DCDC1: variants seen among roughly 807,000 people sequenced by gnomAD.
The protein encoded by DCDC1 is doublecortin domain containing 1, also known as doublecortin domain-containing protein 1.
DCDC1 carries 200 observed loss-of-function variants against 178.3 expected under a neutral mutation model. The observed-to-expected ratio is 1.12, with a 90% CI of 1.00 to 1.26. DCDC1 has a LOEUF of 1.26. Among genes scored for constraint, DCDC1 ranks in the 50% most tolerant of loss-of-function variants. DCDC1 has a pLI of 0.00. For missense variants in DCDC1, 1,983 were observed against 1,749.2 expected, an observed-to-expected ratio of 1.13 and a Z score of -2.38; for synonymous variants, 690 against 604.8, an observed-to-expected ratio of 1.14 and a Z score of -2.07.
chr11:31,325,999 T>C (rs1241887576), intron 3 of DCDC1, among the ~76,000 whole-genome samples: 1 of 152,146 alleles, frequency 6.6e-6, no homozygotes, highest in Non-Finnish European at 1.5e-5. Context: ...CTTTATGAAC[T>C]TGACCCCTTT....
intron 20 of DCDC1, among the ~76,000 whole-genome samples, chr11:30,993,783 T>A (rs1253144204): frequency 6.6e-6 from 1 of 152,148 alleles, no homozygotes; most frequent in African/African-American, 2.4e-5. Context: ...TTAATAGGTG[T>A]ATTCAAGACG....
At position 31,364,994 on chromosome 11, in the gene DCDC1, G is replaced by A. The variant is rs147808668; in HGVS notation, c.-125+4703C>T. On this transcript the variant is annotated intron_variant, in intron 1 of 38. Transcript: ENST00000684477. ...TAATCATTCAAGTAATCTATTCTAC[G>A]TATTAGTATACCTGCAAGTTATTAA... 4.6e-5 allele frequency among the ~76,000 whole-genome samples: 7 copies of A among 152,178 alleles called. No homozygotes were observed. In the South Asian group the frequency reaches 8.3e-4, roughly 18 times the overall value.
At chr11:31,129,276 C>G (rs921980015) in intron 10 of DCDC1, among the ~76,000 whole-genome samples, 10 of 152,084 alleles carry the variant, frequency 6.6e-5, no homozygotes, top group Admixed American at 3.9e-4. Flanking sequence ...ACAAGTGTTA[C>G]ATGCATAGAA....
At chr11:31,241,390 T>TACA in intron 9 of DCDC1, 60 bp downstream of exon 9, 1 of 393,930 alleles carries the variant, frequency 2.5e-6, no homozygotes, top group Non-Finnish European at 4.5e-6. Context: ...ATTGCCTCTA[T>TACA]ACAACCAAGT....
chr11:31,098,191 C>T (rs1334909117), intron 15 of DCDC1, among the ~76,000 whole-genome samples: 2 of 152,176 alleles, frequency 1.3e-5, no homozygotes, highest in Non-Finnish European at 2.9e-5. Flanking sequence ...ATTCCTAAAG[C>T]TATTCTCCTC....
At chr11:31,150,724 C>T (rs1305530185) in intron 9 of DCDC1, among the ~76,000 whole-genome samples, 1 of 143,842 alleles carries the variant, frequency 7.0e-6, no homozygotes, top group Non-Finnish European at 1.5e-5. Context: ...TCTATGTCCA[C>T]ACTTTCTCCA....
At chr11:31,321,568 G>A (rs1949357902) in intron 3 of DCDC1, among the ~76,000 whole-genome samples, 1 of 152,106 alleles carries the variant, frequency 6.6e-6, no homozygotes, top group South Asian at 2.1e-4. Flanking sequence ...ACTCCCTAGT[G>A]AGATGAACCC....
intron 20 of DCDC1, among the ~76,000 whole-genome samples, chr11:31,020,307 C>T (rs1459428744): frequency 2.0e-5 from 3 of 152,188 alleles, no homozygotes; most frequent in African/African-American, 7.2e-5. Context: ...TATTTTTAAA[C>T]TAATTGTCAA....
intron 20 of DCDC1, among the ~76,000 whole-genome samples, chr11:31,050,581 A>G (rs1339591222): frequency 6.6e-6 from 1 of 152,188 alleles, no homozygotes; most frequent in Non-Finnish European, 1.5e-5. Context: ...ACCAAAGCTA[A>G]GAACCCTCAT....
intron 1 of DCDC1, among the ~76,000 whole-genome samples, chr11:31,361,113 A>G (rs1378961666): frequency 6.6e-6 from 1 of 152,226 alleles, no homozygotes; most frequent in Non-Finnish European, 1.5e-5. Flanking sequence ...CAAAAAGTTC[A>G]TCTGTGAAGG....
intron 20 of DCDC1, among the ~76,000 whole-genome samples, chr11:30,960,891 T>C (rs1322945809): frequency 1.3e-5 from 2 of 152,154 alleles, no homozygotes; most frequent in Non-Finnish European, 2.9e-5. Context: ...ATTCTATTTA[T>C]GATACTTCAT....
At chr11:31,289,736 T>C (rs1439848729) in intron 7 of DCDC1, among the ~76,000 whole-genome samples, 1 of 152,028 alleles carries the variant, frequency 6.6e-6, no homozygotes, top group Non-Finnish European at 1.5e-5. Flanking sequence ...TTGTCCTCGA[T>C]GCATAGTATC....
At chr11:31,174,799 G>C (rs1967767659) in intron 9 of DCDC1, among the ~76,000 whole-genome samples, 1 of 152,104 alleles carries the variant, frequency 6.6e-6, no homozygotes, top group African/African-American at 2.4e-5. Flanking sequence ...GCTGAGAGCT[G>C]AACACTCATC....
chr11:31,013,473 C>CA (rs1379310525), intron 20 of DCDC1, among the ~76,000 whole-genome samples: 1 of 152,144 alleles, frequency 6.6e-6, no homozygotes, highest in African/African-American at 2.4e-5. Flanking sequence ...CCTTAGAAAA[C>CA]AAAATCACTA....
At position 30,906,540 on chromosome 11, in the gene DCDC1, C is replaced by G. The variant is rs760652210; in HGVS notation, c.4104G>C (p.Glu1368Asp). The G allele has an allele frequency of 1.9e-6, 3 of 1,611,818 alleles. No individual in the cohort carries two copies. The East Asian group carries it at 6.7e-5, about 36-fold the overall frequency. Residue 1368 changes from glutamate to aspartate, a missense_variant and splice_region_variant, in exon 30 of 39, where the codon GAG becomes GAC. Glu to Asp is a conservative substitution (Grantham distance 45, BLOSUM62 2). Transcript: ENST00000684477. ...QGPFKVISVA[E>D]VDLSCDKAEK... ...TAGCAGAGCTCAGATCATTACATAC[C>G]TCAGCCACACTGATGACCTTGAAGG... is the stretch of plus-strand genomic sequence containing the variant.
At position 30,905,003 on chromosome 11, in the gene DCDC1, C is replaced by T. The variant is rs1050140435; in HGVS notation, c.4266G>A (p.Gly1422=). The change falls in exon 31 of 39, where the codon GGG becomes GGA. Residue 1422 remains glycine, a synonymous_variant. Coordinates refer to ENST00000684477, the MANE Select transcript of DCDC1 (RefSeq NM_001387274.1). The part of the protein sequence containing the change: ...VKIIAYKNGD[G]YRNGKLIVAG... Reference sequence around the variant, plus strand: ...CCACAATTAACTTCCCATTACGATACCCATCCCCATTTTTGTATGCAATTA... The same window carrying T: ...CCACAATTAACTTCCCATTACGATATCCATCCCCATTTTTGTATGCAATTA... 5.0e-6 allele frequency: 8 copies of T among 1,613,712 alleles called. No homozygotes were observed. In the Admixed American group the frequency reaches 5.0e-5, roughly 10 times the overall value.
chr11:30,988,463 T>C (rs1352331033), intron 20 of DCDC1, among the ~76,000 whole-genome samples: 1 of 151,790 alleles, frequency 6.6e-6, no homozygotes, highest in Non-Finnish European at 1.5e-5. Context: ...AGGAGTAAGT[T>C]TGGGAAAGGA....
At chr11:31,141,214 T>G (rs567576373) in intron 9 of DCDC1, among the ~76,000 whole-genome samples, 1 of 152,348 alleles carries the variant, frequency 6.6e-6, no homozygotes, top group Non-Finnish European at 1.5e-5. Context: ...GTTAAGATCT[T>G]TAAAAATCTC....
chr11:31,328,101 G>T lies in DCDC1; in HGVS notation c.164+16C>A. On this transcript the variant is annotated intron_variant, in intron 3 of 38. Coordinates refer to ENST00000684477, the MANE Select transcript of DCDC1 (RefSeq NM_001387274.1). ...CCTTCAGTATTTAGTTTAAGCTGCT[G>T]AAATAATGTTCTTACCTTGGTAAAT... The T allele has an allele frequency of 6.3e-7, 1 of 1,583,130 alleles. No individual in the cohort carries two copies. The highest frequency in any genetic ancestry group is 1.1e-5 in the South Asian group (1 of 87,752).
Sources: allele counts gnomAD v4.1 joint callset (sites outside exome capture counted in the v4.1 genomes callset), GRCh38; gene constraint gnomAD v4.1.1; transcripts MANE v1.5; gene names NCBI Gene and HGNC (gene_info 2026-07-23, HGNC 2026-07-21).